The following CTTNBP2 variants were observed in gnomAD, a reference collection of about 807,000 sequenced individuals.
CTTNBP2 encodes the protein cortactin binding protein 2, also known as cortactin-binding protein 2.
CTTNBP2 carries 108 observed loss-of-function variants against 156.9 expected under a neutral mutation model. That is an observed-to-expected ratio of 0.69 (90% CI 0.59 to 0.81). CTTNBP2 has a LOEUF of 0.81. Among genes scored for constraint, CTTNBP2 ranks in the 30% least tolerant of loss-of-function variants. The pLI is 0.00. For missense variants in CTTNBP2, 1,924 were observed against 2,035.4 expected (o/e 0.95, Z 1.05); for synonymous variants, 767 against 751.8 (o/e 1.02, Z -0.33).
intron 2 of CTTNBP2, among the ~76,000 whole-genome samples, chr7:117,824,987 A>C (rs1801193353): frequency 6.6e-6 from 1 of 152,138 alleles, no homozygotes; most frequent in African/African-American, 2.4e-5. Context: ...GACCAGTAGG[A>C]GTTAACTCAG....
chr7:117,756,893 T>TA (rs1796915218), intron 11 of CTTNBP2, among the ~76,000 whole-genome samples: 2 of 152,182 alleles, frequency 1.3e-5, no homozygotes, highest in African/African-American at 4.8e-5. Context: ...GATGCCCACC[T>TA]ACCTCCCAGC....
chr7:117,831,717 C>T (rs950133696), intron 2 of CTTNBP2, among the ~76,000 whole-genome samples: 8 of 151,974 alleles, frequency 5.3e-5, no homozygotes, highest in Non-Finnish European at 1.2e-4. Flanking sequence ...GTCTGTGGCT[C>T]GAGGTGGACA....
At position 117,777,771 on chromosome 7, in the gene CTTNBP2, A is replaced by T; in HGVS notation, c.2524-6T>A. 1 of 1,601,524 alleles carries T rather than the reference A, an allele frequency of 6.2e-7. No homozygotes were observed. On this transcript the variant is annotated splice_polypyrimidine_tract_variant and splice_region_variant and intron_variant, in intron 7 of 22. Transcript: ENST00000160373. ...TGAACTGGTGTCCAGCCATCCTGAA[A>T]ATAAAATGACCAGGGGGAAAGGGTT... is the stretch of plus-strand genomic sequence containing the variant.
intron 2 of CTTNBP2, among the ~76,000 whole-genome samples, chr7:117,816,819 T>G (rs892550986): frequency 1.3e-5 from 2 of 152,074 alleles, no homozygotes; most frequent in Non-Finnish European, 2.9e-5. Flanking sequence ...AAGGAGACCA[T>G]GTAACAAAAA....
At chr7:117,808,100 G>C (rs1800057062) in intron 3 of CTTNBP2, among the ~76,000 whole-genome samples, 1 of 152,020 alleles carries the variant, frequency 6.6e-6, no homozygotes. Flanking sequence ...TTCCCCCTCT[G>C]AATTTCCTGG....
At chr7:117,802,452 A>AAAAAAC (rs1417902378) in intron 3 of CTTNBP2, among the ~76,000 whole-genome samples, 110 of 136,134 alleles carry the variant, frequency 8.1e-4, no homozygotes, top group African/African-American at 2.0e-3. Flanking sequence ...AAAAAAAAAA[A>AAAAAAC]AAAAACAAAA....
At position 117,734,925 on chromosome 7, in the gene CTTNBP2, T is replaced by C. The variant is rs746574490; in HGVS notation, c.3864A>G (p.Lys1288=). 1.9e-6 allele frequency: 3 copies of C among 1,593,546 alleles called. No individual in the cohort carries two copies. The highest frequency in any genetic ancestry group is 2.6e-6 in the Non-Finnish European group (3 of 1,166,104). The change falls in exon 16 of 23, where the codon AAA becomes AAG. Residue 1288 remains lysine (K), a synonymous_variant. Coordinates refer to ENST00000160373, the MANE Select transcript of CTTNBP2 (RefSeq NM_033427.3). ...QGLLQRFLRR[K]VVNKFKGQAP... is the part of the protein sequence containing the mutation. ...TGCTGTTTGTTACCTTATTCACAAC[T>C]TTCCTTCGTAAGAACCTCTGCAGCA... is the stretch of plus-strand genomic sequence containing the variant.
intron 14 of CTTNBP2, among the ~76,000 whole-genome samples, chr7:117,744,952 A>T (rs1372937144): frequency 1.3e-5 from 2 of 151,980 alleles, no homozygotes; most frequent in Non-Finnish European, 2.9e-5. Context: ...TTGCATTTCA[A>T]CCTATCCTTC....
intron 2 of CTTNBP2, among the ~76,000 whole-genome samples, chr7:117,833,824 A>G (rs1801767029): frequency 6.6e-6 from 1 of 152,228 alleles, no homozygotes; most frequent in South Asian, 2.1e-4. Flanking sequence ...TTAAGTGTCC[A>G]TTGCTAATGC....
At chr7:117,830,591 C>A (rs911822923) in intron 2 of CTTNBP2, among the ~76,000 whole-genome samples, 21 of 152,148 alleles carry the variant, frequency 1.4e-4, no homozygotes, top group Non-Finnish European at 3.1e-4. Context: ...AAATACATAG[C>A]CATTGGGAGA....
intron 3 of CTTNBP2, among the ~76,000 whole-genome samples, chr7:117,793,069 A>C (rs1375883792): frequency 6.6e-6 from 1 of 152,224 alleles, no homozygotes; most frequent in Non-Finnish European, 1.5e-5. Flanking sequence ...AGATGCTTTA[A>C]ATCACAGCAC....
intron 1 of CTTNBP2, 109 bp downstream of exon 1, chr7:117,873,226 G>C: frequency 1.2e-6 from 1 of 841,408 alleles, no homozygotes; most frequent in Non-Finnish European, 1.6e-6. Flanking sequence ...GGAGAGTCCC[G>C]GGCTTACGGA....
At chr7:117,781,846 C>A (rs1798454285) in intron 6 of CTTNBP2, among the ~76,000 whole-genome samples, 2 of 152,146 alleles carry the variant, frequency 1.3e-5, no homozygotes, top group Non-Finnish European at 2.9e-5. Flanking sequence ...GAAAGTGCCC[C>A]TACAGGTTGC....
intron 16 of CTTNBP2, among the ~76,000 whole-genome samples, chr7:117,729,609 C>T (rs1050493781): frequency 3.3e-5 from 5 of 151,930 alleles, no homozygotes; most frequent in Non-Finnish European, 7.4e-5. Context: ...AGCAAGTGGT[C>T]AGTTCTGGTG....
chr7:117,830,884 T>C (rs1300867125), intron 2 of CTTNBP2, among the ~76,000 whole-genome samples: 1 of 152,200 alleles, frequency 6.6e-6, no homozygotes, highest in Non-Finnish European at 1.5e-5. Context: ...TGAACTCCAC[T>C]TTGGAGATGA....
intron 1 of CTTNBP2, among the ~76,000 whole-genome samples, chr7:117,866,713 T>C (rs1426748150): frequency 6.6e-6 from 1 of 152,116 alleles, no homozygotes; most frequent in Non-Finnish European, 1.5e-5. Flanking sequence ...ATCTCCCCCA[T>C]CCCCTAAATG....
chr7:117,798,255 A>T (rs1799431029), intron 3 of CTTNBP2, among the ~76,000 whole-genome samples: 1 of 152,158 alleles, frequency 6.6e-6, no homozygotes, highest in South Asian at 2.1e-4. Context: ...CACTATAAAA[A>T]TCACCTGGCC....
At chr7:117,826,300 T>C (rs1479459911) in intron 2 of CTTNBP2, among the ~76,000 whole-genome samples, 1 of 152,064 alleles carries the variant, frequency 6.6e-6, no homozygotes, top group Non-Finnish European at 1.5e-5. Context: ...ATAAATCTTT[T>C]CAAGAGATAG....
chr7:117,822,875 G>A (rs1355287140), intron 2 of CTTNBP2, among the ~76,000 whole-genome samples: 1 of 152,020 alleles, frequency 6.6e-6, no homozygotes. Context: ...GGGTGTTTAT[G>A]TTTTCTATGT....
Sources: allele counts gnomAD v4.1 joint callset (sites outside exome capture counted in the v4.1 genomes callset), GRCh38; gene constraint gnomAD v4.1.1; transcripts MANE v1.5; gene names NCBI Gene and HGNC (gene_info 2026-07-23, HGNC 2026-07-21).